Variants in AP1G2 observed in about 807,000 individuals in gnomAD.
The protein encoded by AP1G2 is AP-1 complex subunit gamma-like 2.
In AP1G2, 85 loss-of-function variants were observed where a neutral mutation model predicts 95.8. That is an observed-to-expected ratio of 0.89 (90% CI 0.74 to 1.06). The LOEUF (loss-of-function observed/expected upper bound fraction) is 1.06. Among genes scored for constraint, AP1G2 ranks in the 50% least tolerant of loss-of-function variants. The pLI, the probability that AP1G2 is intolerant of heterozygous loss-of-function variation, is 0.00. For synonymous variants in AP1G2, 378 were observed against 400.0 expected (o/e 0.94, Z 0.66); for missense variants, 967 against 1,005.8 (o/e 0.96, Z 0.52).
intron 2 of AP1G2, 50 bp from the exon 3 acceptor site, chr14:23,566,736 A>C: frequency 6.2e-7 from 1 of 1,601,914 alleles, no homozygotes. Flanking sequence ...AACCATAGAC[A>C]CTCACATCCC....
Position 23,567,448 on chromosome 14 carries a change from T to C in AP1G2, c.-5-129A>G. On this transcript the variant is annotated intron_variant, in intron 1 of 21. Coordinates refer to ENST00000397120, the MANE Select transcript of AP1G2 (RefSeq NM_003917.5). This position sits in a 1 kb window ranked among gnomAD's most constrained non-coding sequence, Gnocchi z 5.3. The stretch of plus-strand genomic sequence containing the variant: ...GTACCCTAAAATTGCGCCCGCATTT[T>C]ACCTTTCCCGAAGTGGGTCTCCAAA... 1.4e-6 allele frequency: 2 copies of C among 1,413,084 alleles called. No individual in the cohort carries two copies. The highest frequency in any genetic ancestry group is 1.5e-5 in the South Asian group (1 of 66,172). The allele number at this position is 1,413,084 out of a possible 1,614,324, so 87.5% of individuals were successfully genotyped here.
At chr14:23,562,681 T>C (rs1239435556) in intron 14 of AP1G2, 88 bp from the exon 15 acceptor site, 5 of 1,375,392 alleles carry the variant, frequency 3.6e-6, no homozygotes, top group South Asian at 1.3e-5. Flanking sequence ...GGCGGGAGGA[T>C]TGCTTGAGAC....
At position 23,565,767 on chromosome 14, in the gene AP1G2, C is replaced by T. The variant is rs749781581; in HGVS notation, c.645+49G>A. 4.2e-5 allele frequency: 68 copies of T among 1,606,668 alleles called. No individual in the cohort carries two copies. The East Asian group carries it at 1.5e-3, about 35-fold the overall frequency. ...CTCCAGCTAAAGCCCCATTCCTTCC[C>T]CACTGACCCTGTCTTCCAGGCCCAG... On this transcript the variant is annotated intron_variant, in intron 6 of 21. Transcript: ENST00000397120.
chr14:23,567,444 A>G lies in AP1G2; in HGVS notation c.-5-125T>C. On this transcript the variant is annotated intron_variant, in intron 1 of 21. Transcript: ENST00000397120. This position sits in a 1 kb window ranked among gnomAD's most constrained non-coding sequence, Gnocchi z 5.3. ...ACAGGTACCCTAAAATTGCGCCCGC[A>G]TTTTACCTTTCCCGAAGTGGGTCTC... The G allele has an allele frequency of 2.1e-6, 3 of 1,413,026 alleles. No homozygotes were observed. Among genetic ancestry groups the G allele is most frequent in the South Asian group, 3.0e-5 (2 of 66,378 alleles). The allele number at this position is 1,413,026 out of a possible 1,614,324, so 87.5% of individuals were successfully genotyped here.
chr14:23,565,865 A>G lies in AP1G2; in HGVS notation c.596T>C (p.Ile199Thr). The change falls in exon 6 of 22, where the codon ATC becomes ACC. Residue 199 changes from isoleucine to threonine, a missense_variant. Ile to Thr is a moderately conservative substitution (Grantham distance 89, BLOSUM62 -1). Coordinates refer to ENST00000397120, the MANE Select transcript of AP1G2 (RefSeq NM_003917.5). ...HGILLGTITL[I>T]TELCERSPAA... The stretch of plus-strand genomic sequence containing the variant: ...AGGGCTTCGTTCGCAGAGCTCCGTG[A>G]TCAGCGTGATGGTGCCCAGCAGGAT... The G allele has an allele frequency of 6.3e-7, 1 of 1,579,872 alleles. No homozygotes were observed. The highest frequency in any genetic ancestry group is 8.6e-7 in the Non-Finnish European group (1 of 1,163,930).
At chr14:23,566,461 A>G in intron 3 of AP1G2, 42 bp from the exon 4 acceptor site, 1 of 1,608,172 alleles carries the variant, frequency 6.2e-7, no homozygotes, top group Non-Finnish European at 8.5e-7. Context: ...CTCTGAGAAA[A>G]TCAGTCCTTT....
intron 14 of AP1G2, 125 bp from the exon 15 acceptor site, chr14:23,562,718 C>A (rs1885588244): frequency 7.9e-5 from 62 of 780,294 alleles, no homozygotes; most frequent in East Asian, 2.5e-4. Context: ...GCCTGGGCAA[C>A]AAAGCGAGAC....
intron 14 of AP1G2, 181 bp downstream of exon 14, chr14:23,563,199 C>G: frequency 6.9e-7 from 1 of 1,439,690 alleles, no homozygotes; most frequent in Non-Finnish European, 9.1e-7. Flanking sequence ...CCAGGAGGTA[C>G]CAGAGTCAGG....
At chr14:23,565,271 T>TC in intron 7 of AP1G2, 72 bp from the exon 8 acceptor site, 1 of 1,481,588 alleles carries the variant, frequency 6.7e-7, no homozygotes, top group Non-Finnish European at 9.3e-7. Flanking sequence ...AGGAGAAAAC[T>TC]CCAACATGTG....
chr14:23,564,786 T>G (rs1326157915), intron 8 of AP1G2, 126 bp from the exon 9 acceptor site: 1 of 858,858 alleles, frequency 1.2e-6, no homozygotes, highest in Non-Finnish European at 1.8e-6. Context: ...CTGATGATCC[T>G]CCTGCCTCAG....
chr14:23,564,710 T>C, intron 8 of AP1G2, 50 bp from the exon 9 acceptor site: 2 of 1,558,222 alleles, frequency 1.3e-6, no homozygotes, highest in Non-Finnish European at 1.8e-6. Flanking sequence ...TCCTCAGGTC[T>C]CCTTTTTTTG....
chr14:23,562,648 A>T, intron 14 of AP1G2, 55 bp from the exon 15 acceptor site: 1 of 1,564,280 alleles, frequency 6.4e-7, no homozygotes. Flanking sequence ...CAAGCCTGTA[A>T]TCCCAGCGCA....
At chr14:23,562,774 A>C in intron 14 of AP1G2, 181 bp from the exon 15 acceptor site, 1 of 651,120 alleles carries the variant, frequency 1.5e-6, no homozygotes, top group Non-Finnish European at 2.6e-6. Flanking sequence ...GAGAGAAAGA[A>C]AGAAACACTG....
rs763408918 is a variant in AP1G2 at position 23,563,755 on chromosome 14, C to T, written c.1193G>A (p.Arg398Gln). The change falls in exon 12 of 22, where the codon CGG becomes CAG. Residue 398 changes from arginine (R) to glutamine (Q), a missense_variant. Arg to Gln is a conservative substitution (Grantham distance 43). Coordinates refer to ENST00000397120, the MANE Select transcript of AP1G2 (RefSeq NM_003917.5). The part of the protein sequence containing the change: ...AFLESCPPDL[R>Q]ADCASGILLA... ...CAGGATGCCTGAGGCACAGTCAGCC[C>T]GTAGGTCAGGAGGGCAGGACTCCAG... is the stretch of plus-strand genomic sequence containing the variant. The T allele has an allele frequency of 1.4e-5, 23 of 1,614,080 alleles. No individual in the cohort carries two copies. Among genetic ancestry groups the T allele is most frequent in the Admixed American group, 3.3e-5 (2 of 60,006 alleles).
chr14:23,564,639 T>C lies in AP1G2; in HGVS notation c.844A>G (p.Ser282Gly). ...LAQVATNTDT[S>G]RNAGNAVLFE... ...AGGACCGCATTTCCGGCATTTCGGC[T>C]GGTGTCCGTGTTAGTGGCCACCTGA... Residue 282 changes from serine to glycine, a missense_variant, in exon 9 of 22, where the codon AGC becomes GGC. By Grantham distance (56) the Ser-to-Gly change is moderately conservative (BLOSUM62 0). Coordinates refer to ENST00000397120, the MANE Select transcript of AP1G2 (RefSeq NM_003917.5). 6.2e-7 allele frequency: 1 copy of C among 1,613,832 alleles called. No homozygotes were observed. The highest frequency in any genetic ancestry group is 8.5e-7 in the Non-Finnish European group (1 of 1,180,004).
At chr14:23,563,893 G>T in intron 11 of AP1G2, 37 bp from the exon 12 acceptor site, 1 of 1,607,068 alleles carries the variant, frequency 6.2e-7, no homozygotes, top group South Asian at 1.1e-5. Flanking sequence ...AGGTAGCCCA[G>T]GTCATCCTGG....
chr14:23,562,304 G>T lies in AP1G2; in HGVS notation c.1612C>A (p.Leu538Ile). The T allele has an allele frequency of 6.2e-7, 1 of 1,614,224 alleles. No individual in the cohort carries two copies. The highest frequency in any genetic ancestry group is 8.5e-7 in the Non-Finnish European group (1 of 1,180,036). The change falls in exon 16 of 22, where the codon CTC becomes ATC. Residue 538 changes from leucine (L) to isoleucine (I), a missense_variant. Transcript: ENST00000397120. ...LTALMKLSTRLCGDNNRIRQV... is the reference protein window; with the variant it reads ...LTALMKLSTRICGDNNRIRQV... The stretch of plus-strand genomic sequence containing the variant: ...CCTTCTTACTTGTTGTCCCCACAGA[G>T]GCGAGTGCTGAGCTTCATGAGGGCT...
At chr14:23,563,351 C>A in intron 14 of AP1G2, 29 bp downstream of exon 14, 1 of 1,564,136 alleles carries the variant, frequency 6.4e-7, no homozygotes, top group South Asian at 1.2e-5. Flanking sequence ...GGTTGGGCAG[C>A]CCTGGGCCTA....
chr14:23,567,663 G>T lies in AP1G2; in HGVS notation c.-6+76C>A. ...CGACCCTCCGCTGTTTCTTCCGCGA[G>T]CTTCCTCCCCCGATTTCCATCTCAG... On this transcript the variant is annotated intron_variant, in intron 1 of 21. Transcript: ENST00000397120. This position sits in a 1 kb window ranked among gnomAD's most constrained non-coding sequence, Gnocchi z 5.3. The T allele has an allele frequency of 9.7e-7, 1 of 1,028,892 alleles. No individual in the cohort carries two copies. The highest frequency in any genetic ancestry group is 1.2e-6 in the Non-Finnish European group (1 of 853,022). The allele number at this position is 1,028,892 out of a possible 1,614,324, so 63.7% of individuals were successfully genotyped here. A position where few individuals can be genotyped will look rare whatever the true frequency, so the allele number is the denominator to read the frequency against.
Sources: gnomAD v4.1 joint callset for allele counts on GRCh38, gnomAD v4.1.1 for gene constraint, Gnocchi (gnomAD v3.1) non-coding constraint, MANE v1.5 for transcripts, NCBI Gene and HGNC (gene_info 2026-07-23, HGNC 2026-07-21) for gene names.